STK3: variants seen among roughly 807,000 people sequenced by gnomAD.
STK3 encodes serine/threonine kinase 3.
STK3 carries 41 observed loss-of-function variants against 58.0 expected under a neutral mutation model. That is an observed-to-expected ratio of 0.71 (90% confidence interval 0.55 to 0.92). STK3 has a LOEUF of 0.92. STK3 is among the 40% of genes least tolerant of loss of function. The probability of loss-of-function intolerance (pLI) is 0.00; values close to 1 mark genes in which losing one functional copy is unlikely to be tolerated. For missense variants in STK3, 479 were observed against 602.7 expected (o/e 0.79, Z 2.15); for synonymous variants, 170 against 191.0 (o/e 0.89, Z 0.91).
chr8:98,688,756 T>C (rs1824190985), intron 6 of STK3, among the ~76,000 whole-genome samples: 1 of 152,102 alleles, frequency 6.6e-6, no homozygotes, highest in Non-Finnish European at 1.5e-5. Flanking sequence ...CCAAAACCTC[T>C]GGGATACGGC....
intron 1 of STK3, among the ~76,000 whole-genome samples, chr8:98,933,899 C>T (rs1317789059): frequency 2.0e-5 from 3 of 152,152 alleles, no homozygotes; most frequent in African/African-American, 7.2e-5. Context: ...CAAAGTTAAC[C>T]CACCAGGCAG....
At chr8:98,352,136 C>CAAAAAAAAAAAA in the STK3 span, among the ~76,000 whole-genome samples, 1 of 110,456 alleles carries the variant, frequency 9.1e-6, no homozygotes, top group Admixed American at 9.9e-5. Context: ...GACTCTGTCT[C>CAAAAAAAAAAAA]AAAAAAAAAA....
At chr8:98,830,355 A>C (rs1835479188), upstream of STK3, among the ~76,000 whole-genome samples, 1 of 152,184 alleles carries the variant, frequency 6.6e-6, no homozygotes, top group Admixed American at 6.5e-5. Flanking sequence ...GATAGCATGA[A>C]TGTGAGGCCA....
At chr8:98,757,761 A>C (rs567560149) in intron 3 of STK3, among the ~76,000 whole-genome samples, 2 of 152,244 alleles carry the variant, frequency 1.3e-5, no homozygotes, top group African/African-American at 4.8e-5. Flanking sequence ...GAACAAGCCT[A>C]CTAGCAGAAG....
At chr8:98,870,195 T>C (rs897804106) in intron 3 of STK3, among the ~76,000 whole-genome samples, 3 of 152,238 alleles carry the variant, frequency 2.0e-5, no homozygotes, top group Non-Finnish European at 4.4e-5. Context: ...TATGGCTGCA[T>C]AGTATTCCAT....
chr8:98,432,404 T>C (rs977513463), intron 3 of STK3: 2 of 167,072 alleles, frequency 1.2e-5, no homozygotes, highest in Admixed American at 6.5e-5. Flanking sequence ...ATTTTGGAAG[T>C]GCTGGGTTGG....
chr8:98,913,141 A>C (rs1223533312), intron 1 of STK3, among the ~76,000 whole-genome samples: 7 of 152,138 alleles, frequency 4.6e-5, no homozygotes, highest in Non-Finnish European at 1.0e-4. Flanking sequence ...CAAAAAAAAA[A>C]AATCATTAAG....
intron 6 of STK3, among the ~76,000 whole-genome samples, chr8:98,646,371 A>C (rs970089200): frequency 6.6e-6 from 1 of 152,176 alleles, no homozygotes; most frequent in African/African-American, 2.4e-5. Flanking sequence ...AATATTTGTA[A>C]TATTAATAAC....
intron 6 of STK3, chr8:98,598,341 T>G: frequency 2.0e-6 from 2 of 985,344 alleles, no homozygotes; most frequent in Non-Finnish European, 2.4e-6. Context: ...TACCCAGTAC[T>G]CTCATAAAGT....
chr8:98,376,273 G>A (rs1161595646), intron 2 of STK3, among the ~76,000 whole-genome samples: 1 of 152,162 alleles, frequency 6.6e-6, no homozygotes, highest in Admixed American at 6.5e-5. Context: ...TGGGTTGTTT[G>A]CTGTCTTACT....
chr8:98,564,008 GAA>G (rs1219041079), intron 8 of STK3, among the ~76,000 whole-genome samples: 1 of 152,102 alleles, frequency 6.6e-6, no homozygotes, highest in East Asian at 1.9e-4. Flanking sequence ...TGAAAAGAAA[GAA>G]AGAATAATTT....
intron 10 of STK3, among the ~76,000 whole-genome samples, chr8:98,501,309 T>C (rs1823576537): frequency 6.6e-6 from 1 of 152,178 alleles, no homozygotes; most frequent in Non-Finnish European, 1.5e-5. Context: ...TATCAGCCCT[T>C]TGTCAGATGG....
At chr8:98,730,087 A>AT (rs1183619796) in intron 4 of STK3, among the ~76,000 whole-genome samples, 1 of 152,206 alleles carries the variant, frequency 6.6e-6, no homozygotes, top group Non-Finnish European at 1.5e-5. Context: ...TTCTGTTGTT[A>AT]TTTTATCTAC....
intron 10 of STK3, among the ~76,000 whole-genome samples, chr8:98,473,650 T>G (rs554372624): frequency 6.6e-6 from 1 of 152,310 alleles, no homozygotes; most frequent in East Asian, 1.9e-4. Flanking sequence ...GAATTCTTTT[T>G]AGTTTCTATC....
Position 98,866,938 on chromosome 8 carries a change from G to A in STK3, c.110+16709C>T, listed in dbSNP as rs191513881. ...TTGGACTTAATACCTTCAGCTGAAG[G>A]CAACTTCTGGAAGAGGCTCAGTTGT... On this transcript the variant is annotated intron_variant, in intron 3 of 12. Transcript: ENST00000523601. Among the ~76,000 whole-genome samples the A allele has an allele frequency of 2.0e-5, 3 of 152,234 alleles. No individual in the cohort carries two copies. The East Asian group carries it at 5.8e-4, about 29-fold the overall frequency.
chr8:98,410,261 AGTGAAAACACAT>A (rs1165101949), intron 3 of STK3, among the ~76,000 whole-genome samples: 2 of 152,144 alleles, frequency 1.3e-5, no homozygotes, highest in Non-Finnish European at 2.9e-5. Flanking sequence ...CTCCCTCCCT[AGTGAAAACACAT>A]GTGGACTCAT....
intron 3 of STK3, among the ~76,000 whole-genome samples, chr8:98,861,344 ATTTTTTTTTTT>A (rs772895902): frequency 0.013 from 1,112 of 85,906 alleles, 20 homozygotes; most frequent in African/African-American, 0.05. Context: ...GTTTCTTTGG[ATTTTTTTTTTT>A]TTTTTTTTTT....
chr8:98,939,924 A>T (rs1413380685), intron 1 of STK3, among the ~76,000 whole-genome samples: 2 of 152,186 alleles, frequency 1.3e-5, no homozygotes, highest in Non-Finnish European at 2.9e-5. Context: ...CTGCGATGTC[A>T]TCGGTAAACC....
chr8:98,538,238 T>A (rs1382638631), intron 9 of STK3, among the ~76,000 whole-genome samples: 1 of 152,156 alleles, frequency 6.6e-6, no homozygotes, highest in Non-Finnish European at 1.5e-5. Context: ...TCCTTTAATT[T>A]GCTGCCAAGA....
Sources: allele counts gnomAD v4.1 joint callset (sites outside exome capture counted in the v4.1 genomes callset), GRCh38; gene constraint gnomAD v4.1.1; transcripts MANE v1.5; gene names NCBI Gene and HGNC (gene_info 2026-07-23, HGNC 2026-07-21).